The following PEX14 variants were observed in gnomAD, a reference collection of about 807,000 sequenced individuals.
PEX14 encodes the protein peroxisomal biogenesis factor 14.
Under a neutral mutation model 49.5 loss-of-function variants are expected in PEX14, and 15 were observed. The ratio of observed to expected loss-of-function variants is 0.30; its 90% CI spans 0.20 to 0.47. The LOEUF is 0.47. Among genes scored for constraint, PEX14 ranks in the 20% least tolerant of loss-of-function variants. The pLI is 1.00. For missense variants in PEX14, 398 were observed against 494.8 expected, an observed-to-expected ratio of 0.80 and a Z score of 1.86; for synonymous variants, 210 against 212.7, an observed-to-expected ratio of 0.99 and a Z score of 0.11.
At chr1:10,562,016 A>G (rs80327342) in intron 3 of PEX14, among the ~76,000 whole-genome samples, 2,098 of 152,208 alleles carry the variant, frequency 0.014, 61 homozygotes, top group African/African-American at 0.048. Context: ...TTATAGGTGT[A>G]TGCCACTGCG....
Position 10,630,337 on chromosome 1 carries a change from G to T in PEX14, c.*350G>T. ...CCAGGGTGTGTTTGCTGAGTGTCTT[G>T]ACTACCGTGACACCACGCATGGCCA... On this transcript the variant is annotated 3_prime_UTR_variant, in exon 9 of 9. Coordinates refer to ENST00000356607, the MANE Select transcript of PEX14 (RefSeq NM_004565.3). The surrounding 1 kb of genome is among the most constrained non-coding windows in gnomAD (Gnocchi z 4.1). The T allele has an allele frequency of 2.6e-6, 1 of 383,916 alleles. No homozygotes were observed. Among genetic ancestry groups the T allele is most frequent in the South Asian group, 3.6e-5 (1 of 28,112 alleles). 23.8% of individuals were successfully genotyped at this position (383,916 alleles called of 1,614,324 possible).
intron 3 of PEX14, among the ~76,000 whole-genome samples, chr1:10,558,736 C>CAAAAAAAAAAA (rs34343338): frequency 3.5e-5 from 4 of 113,432 alleles, no homozygotes; most frequent in African/African-American, 9.4e-5. Context: ...GACCCTGTCT[C>CAAAAAAAAAAA]AAAAAAAAAA....
At chr1:10,573,622 G>A (rs996177162) in intron 3 of PEX14, among the ~76,000 whole-genome samples, 5 of 152,208 alleles carry the variant, frequency 3.3e-5, no homozygotes, top group Non-Finnish European at 1.5e-5. Flanking sequence ...AGAATGTGGA[G>A]CAGCAGTAAC....
intron 4 of PEX14, among the ~76,000 whole-genome samples, chr1:10,614,568 CCTT>C (rs1641359926): frequency 6.6e-6 from 1 of 152,216 alleles, no homozygotes; most frequent in Non-Finnish European, 1.5e-5. Flanking sequence ...AGAAGGCTGT[CCTT>C]CTCATGGCGG....
At chr1:10,626,384 G>A (rs922107493) in intron 7 of PEX14, among the ~76,000 whole-genome samples, 1 of 152,200 alleles carries the variant, frequency 6.6e-6, no homozygotes, top group Non-Finnish European at 1.5e-5. Context: ...TGGGGGTGGT[G>A]GGTGACACGC....
chr1:10,573,318 T>C (rs919564194), intron 3 of PEX14, among the ~76,000 whole-genome samples: 1 of 152,142 alleles, frequency 6.6e-6, no homozygotes, highest in Non-Finnish European at 1.5e-5. Flanking sequence ...GTATACAGGC[T>C]GGGCGCAGTA....
chr1:10,554,018 G>A (rs1422931441), intron 3 of PEX14, among the ~76,000 whole-genome samples: 2 of 151,898 alleles, frequency 1.3e-5, no homozygotes, highest in Non-Finnish European at 2.9e-5. Flanking sequence ...GGCCGGGCGC[G>A]GTGGCTCACG....
intron 2 of PEX14, among the ~76,000 whole-genome samples, chr1:10,496,311 C>T (rs1343963550): frequency 6.6e-6 from 1 of 152,162 alleles, no homozygotes; most frequent in African/African-American, 2.4e-5. Flanking sequence ...TGTTACGTCA[C>T]CAGTTACGGG....
chr1:10,565,579 TAA>T (rs1277811348), intron 3 of PEX14, among the ~76,000 whole-genome samples: 1 of 152,214 alleles, frequency 6.6e-6, no homozygotes, highest in South Asian at 2.1e-4. Context: ...CTTTTGAACT[TAA>T]GAGCCATTTT....
At chr1:10,531,563 G>T (rs551770752) in intron 2 of PEX14, among the ~76,000 whole-genome samples, 2 of 152,216 alleles carry the variant, frequency 1.3e-5, no homozygotes, top group South Asian at 4.2e-4. Context: ...CTGGAATGGG[G>T]TTTCGGGCCC....
chr1:10,610,404 T>C (rs1434881862), intron 4 of PEX14, among the ~76,000 whole-genome samples: 4 of 149,774 alleles, frequency 2.7e-5, no homozygotes, highest in Non-Finnish European at 4.4e-5. Flanking sequence ...CACACATATA[T>C]ATATACACAG....
intron 4 of PEX14, among the ~76,000 whole-genome samples, chr1:10,605,997 C>A (rs1641116222): frequency 6.6e-6 from 1 of 152,116 alleles, no homozygotes; most frequent in East Asian, 1.9e-4. Flanking sequence ...ATGAAGTGAT[C>A]CTTTCCTTAG....
chr1:10,520,000 T>G (rs1447455409), intron 2 of PEX14, among the ~76,000 whole-genome samples: 1 of 152,034 alleles, frequency 6.6e-6, no homozygotes. Flanking sequence ...AAAAATAAAT[T>G]AAATAAATAA....
chr1:10,476,540 G>A (rs969552080), intron 1 of PEX14, among the ~76,000 whole-genome samples: 3 of 152,066 alleles, frequency 2.0e-5, no homozygotes, highest in Admixed American at 6.6e-5. Context: ...TCTCTCTGTC[G>A]CCCATGCTGG....
At chr1:10,583,306 A>AC (rs1188419266) in intron 3 of PEX14, among the ~76,000 whole-genome samples, 2 of 147,150 alleles carry the variant, frequency 1.4e-5, no homozygotes, top group Non-Finnish European at 3.0e-5. Flanking sequence ...TGCAGCCTTG[A>AC]CCTCCTGGGC....
intron 1 of PEX14, among the ~76,000 whole-genome samples, chr1:10,483,009 C>T (rs545648749): frequency 5.9e-5 from 9 of 152,182 alleles, no homozygotes; most frequent in South Asian, 2.1e-4. Context: ...ATGTAAGTGA[C>T]GTTGTGTCTA....
intron 2 of PEX14, among the ~76,000 whole-genome samples, chr1:10,510,022 A>G (rs1220366132): frequency 6.6e-6 from 1 of 152,206 alleles, no homozygotes; most frequent in East Asian, 1.9e-4. Flanking sequence ...ATTATAGATC[A>G]GCAGGGAAGG....
rs1639188451 is a variant in PEX14 at position 10,546,771 on chromosome 1, A to C, written c.169+10474A>C. Among the ~76,000 whole-genome samples, 6 of 145,338 alleles carry C rather than the reference A, an allele frequency of 4.1e-5. No homozygotes were observed. In the South Asian group the frequency reaches 1.4e-3, roughly 34 times the overall value. Reference sequence around the variant, plus strand: ...ATAGTCCCCGCTGCTCAGGAGGCTGAGGCAGGAGAATGGCGTGAACCCGGG... The same window carrying C: ...ATAGTCCCCGCTGCTCAGGAGGCTGCGGCAGGAGAATGGCGTGAACCCGGG... On this transcript the variant is annotated intron_variant, in intron 3 of 8. Transcript: ENST00000356607.
At chr1:10,588,459 T>G (rs1271896708) in intron 3 of PEX14, among the ~76,000 whole-genome samples, 5 of 152,206 alleles carry the variant, frequency 3.3e-5, no homozygotes, top group Non-Finnish European at 7.3e-5. Flanking sequence ...CCTTTATCCA[T>G]AGTTCTGCCT....
Sources: gnomAD v4.1 joint callset for allele counts (sites outside exome capture counted in the v4.1 genomes callset) on GRCh38, gnomAD v4.1.1 for gene constraint, Gnocchi (gnomAD v3.1) non-coding constraint, MANE v1.5 for transcripts, NCBI Gene and HGNC (gene_info 2026-07-23, HGNC 2026-07-21) for gene names.